Variants in REV1 observed in about 807,000 individuals in gnomAD.
The protein encoded by REV1 is REV1 DNA directed polymerase.
In REV1, 42 loss-of-function variants were observed where a neutral mutation model predicts 137.4. The observed-to-expected ratio is 0.31, with a 90% confidence interval of 0.24 to 0.40. The LOEUF (loss-of-function observed/expected upper bound fraction) is 0.40, where lower values mean the gene tolerates loss of function less well. REV1 is among the 10% of genes least tolerant of loss of function. The probability of loss-of-function intolerance (pLI) is 1.00; values close to 1 mark genes in which losing one functional copy is unlikely to be tolerated. For synonymous variants in REV1, 524 were observed against 519.2 expected (o/e 1.01, Z -0.12); for missense variants, 1,282 against 1,490.1 (o/e 0.86, Z 2.30).
intron 3 of REV1, among the ~76,000 whole-genome samples, chr2:99,456,976 G>C (rs1361831634): frequency 1.3e-5 from 2 of 152,184 alleles, no homozygotes; most frequent in Non-Finnish European, 2.9e-5. Context: ...ATTAGGACTA[G>C]AATGTCTTTC....
chr2:99,475,621 A>C (rs1237608890), intron 1 of REV1, among the ~76,000 whole-genome samples: 1 of 152,142 alleles, frequency 6.6e-6, no homozygotes, highest in Non-Finnish European at 1.5e-5. Context: ...CAGGAGGCAG[A>C]GATTGCAGTG....
At chr2:99,407,559 A>C (rs1676513688) in intron 15 of REV1, among the ~76,000 whole-genome samples, 1 of 151,908 alleles carries the variant, frequency 6.6e-6, no homozygotes, top group Non-Finnish European at 1.5e-5. Flanking sequence ...TCAAAAAAAA[A>C]AAACCCCACA....
Position 99,408,083 on chromosome 2 carries a change from C to T in REV1, c.2394G>A (p.Lys798=). 6.2e-7 allele frequency: 1 copy of T among 1,610,556 alleles called. No homozygotes were observed. Among genetic ancestry groups the T allele is most frequent in the South Asian group, 1.1e-5 (1 of 90,448 alleles). ...QATDNAKIIG[K]AMLNMFHTMK... is the part of the protein sequence containing the mutation. ...TTGTATGAAACATGTTTAGCATCGC[C>T]TTTCCAATTATTTTTGCATTATCTG... Residue 798 remains lysine, a synonymous_variant, in exon 15 of 23, where the codon AAG becomes AAA. Transcript: ENST00000258428.
intron 13 of REV1, 134 bp from the exon 14 acceptor site, chr2:99,411,001 A>AC: frequency 1.2e-6 from 1 of 803,366 alleles, no homozygotes; most frequent in Non-Finnish European, 1.8e-6. Context: ...TTAAAAAGAA[A>AC]CGTGGCCAGG....
intron 1 of REV1, among the ~76,000 whole-genome samples, chr2:99,479,076 TC>T (rs1427422170): frequency 6.6e-6 from 1 of 152,092 alleles, no homozygotes; most frequent in Non-Finnish European, 1.5e-5. Flanking sequence ...ATACCTGTAA[TC>T]CCAGCACTTT....
In REV1 at chr2:99,439,194, G is replaced by A; in HGVS notation, c.620C>T (p.Ser207Phe). 6.2e-7 allele frequency: 1 copy of A among 1,614,136 alleles called. No homozygotes were observed. Among genetic ancestry groups the A allele is most frequent in the Non-Finnish European group, 8.5e-7 (1 of 1,179,996 alleles). The change falls in exon 6 of 23, where the codon TCT (serine) becomes TTT (phenylalanine). Residue 207 changes from serine to phenylalanine, a missense_variant. By Grantham distance (155) the Ser-to-Phe change is radical. This residue lies in a region of REV1 where 432 missense variants were observed against 438.0 expected (regional missense o/e 0.99). Coordinates refer to ENST00000258428, the MANE Select transcript of REV1 (RefSeq NM_016316.4). ...AATTCCATTCTGTTTCCTTCCCGGA[G>A]AGGTCTGCTCCAGATCCACAAAACT... ...DFSFVDLEQT[S>F]PGRKQNGIPH...
Position 99,439,304 on chromosome 2 carries a change from G to A in REV1, c.510C>T (p.His170=), listed in dbSNP as rs1196172449. 6.9e-6 allele frequency: 11 copies of A among 1,602,260 alleles called. No homozygotes were observed. The highest frequency in any genetic ancestry group is 1.7e-5 in the Admixed American group (1 of 58,610). The change falls in exon 6 of 23, where the codon CAC becomes CAT. Residue 170 remains histidine, a synonymous_variant. Transcript: ENST00000258428. Reference sequence around the variant, plus strand: ...TTTCCGTTTCAATCTTCTTAACGATGTGATTTCTAAAGCAGGAAAAAATTT... The same window carrying A: ...TTTCCGTTTCAATCTTCTTAACGATATGATTTCTAAAGCAGGAAAAAATTT... The part of the protein sequence containing the change: ...IAKQLNNRVN[H]IVKKIETENE...
chr2:99,470,138 A>G (rs1685256918), intron 1 of REV1, among the ~76,000 whole-genome samples: 1 of 151,912 alleles, frequency 6.6e-6, no homozygotes, highest in African/African-American at 2.4e-5. Flanking sequence ...AAAAAAAGAT[A>G]TTTCATCTAT....
At chr2:99,450,221 T>C (rs1383476484) in intron 3 of REV1, among the ~76,000 whole-genome samples, 3 of 152,162 alleles carry the variant, frequency 2.0e-5, no homozygotes, top group African/African-American at 7.2e-5. Context: ...ATCTTATATG[T>C]CTTAAATATT....
intron 1 of REV1, among the ~76,000 whole-genome samples, chr2:99,473,063 G>A (rs60730619): frequency 0.089 from 13,529 of 152,090 alleles, 784 homozygotes; most frequent in Non-Finnish European, 0.12. Flanking sequence ...CTCTCACCAA[G>A]GTATATAAAA....
Position 99,429,939 on chromosome 2 carries a change from G to T in REV1, c.1448C>A (p.Pro483Gln), listed in dbSNP as rs956850153. 3 of 1,573,948 alleles carry T rather than the reference G, an allele frequency of 1.9e-6. No homozygotes were observed. The highest frequency in any genetic ancestry group is 2.6e-6 in the Non-Finnish European group (3 of 1,161,306). Residue 483 changes from proline to glutamine, a missense_variant, in exon 9 of 23, where the codon CCA becomes CAA. Coordinates refer to ENST00000258428, the MANE Select transcript of REV1 (RefSeq NM_016316.4). ...TGGATTCTCCCACAATGATGAATCT[G>T]GTATATCTGCTTTAAAAATAAAAAA... ...KILKGKAADI[P>Q]DSSLWENPDS...
At chr2:99,451,370 C>G in intron 3 of REV1, 2 of 1,286,882 alleles carry the variant, frequency 1.6e-6, no homozygotes, top group South Asian at 1.3e-5. Flanking sequence ...TCTTTGAAAA[C>G]TAATTACTCC....
At chr2:99,486,173 T>A (rs1687107083) in intron 1 of REV1, among the ~76,000 whole-genome samples, 1 of 152,184 alleles carries the variant, frequency 6.6e-6, no homozygotes. Flanking sequence ...CTTTATCTCA[T>A]GCCAAAATAC....
chr2:99,488,385 AAT>A lies in REV1; in HGVS notation c.-11+1430_-11+1431del, dbSNP rs1264778336. Among the ~76,000 whole-genome samples the A allele has an allele frequency of 4.2e-5, 5 of 119,738 alleles. 2 individuals carry two copies. The highest frequency in any genetic ancestry group is 9.0e-5 in the African/African-American group (3 of 33,508). 78.6% of individuals were successfully genotyped at this position (119,738 alleles called of 152,430 possible). On this transcript the variant is annotated intron_variant, in intron 1 of 22. Transcript: ENST00000258428. ...ATTCCCATCTTTACAAAAAAAATTA[AAT>A]ATGTACGGTTTACCGTAAAATAGCG...
intron 12 of REV1, among the ~76,000 whole-genome samples, 167 bp downstream of exon 12, chr2:99,418,661 G>C (rs1479052517): frequency 6.6e-6 from 1 of 152,096 alleles, no homozygotes; most frequent in Non-Finnish European, 1.5e-5. Context: ...CATTTTAGGG[G>C]ATATTTAATG....
chr2:99,408,100 C>T lies in REV1; in HGVS notation c.2377G>A (p.Ala793Thr), dbSNP rs775653616. Residue 793 changes from alanine to threonine, a missense_variant, in exon 15 of 23, where the codon GCA becomes ACA. By Grantham distance (58) the Ala-to-Thr change is moderately conservative. Transcript: ENST00000258428. ...TVTLDQATDN[A>T]KIIGKAMLNM... ...AGCATCGCCTTTCCAATTATTTTTG[C>T]ATTATCTGTTGCCTGGTCAAGAGTT... 1 of 1,609,556 alleles carries T rather than the reference C, an allele frequency of 6.2e-7. No homozygotes were observed. Among genetic ancestry groups the T allele is most frequent in the Non-Finnish European group, 8.5e-7 (1 of 1,178,022 alleles).
chr2:99,473,678 G>A (rs1685664013), intron 1 of REV1, among the ~76,000 whole-genome samples: 1 of 152,140 alleles, frequency 6.6e-6, no homozygotes, highest in South Asian at 2.1e-4. Context: ...ACATTTTCCT[G>A]TTGCTAATTT....
At chr2:99,434,308 A>C (rs1434317944) in intron 8 of REV1, 24 bp downstream of exon 8, 1 of 1,493,140 alleles carries the variant, frequency 6.7e-7, no homozygotes, top group East Asian at 2.4e-5. Flanking sequence ...GAGCACTAAG[A>C]CTTCAAAGAG....
intron 9 of REV1, among the ~76,000 whole-genome samples, chr2:99,426,023 C>T (rs959192612): frequency 6.7e-6 from 1 of 149,708 alleles, no homozygotes; most frequent in Non-Finnish European, 1.5e-5. Flanking sequence ...GCAACAAGAG[C>T]GAAACTCCAT....
Sources: gnomAD v4.1 joint callset for allele counts (sites outside exome capture counted in the v4.1 genomes callset) on GRCh38, gnomAD v4.1.1 for gene constraint, gnomAD v4.1.1 regional missense constraint, MANE v1.5 for transcripts, NCBI Gene and HGNC (gene_info 2026-07-23, HGNC 2026-07-21) for gene names.